The following HDAC9 variants were observed in gnomAD, a reference collection of about 807,000 sequenced individuals.
The protein encoded by HDAC9 is MEF-2 interacting transcription repressor (MITR) protein.
A neutral mutation model predicts 139.4 loss-of-function variants in HDAC9; 41 were observed. The observed-to-expected ratio is 0.29, with a 90% CI of 0.23 to 0.38. The LOEUF is 0.38. Among genes scored for constraint, HDAC9 ranks in the 10% least tolerant of loss-of-function variants. The probability of loss-of-function intolerance (pLI) is 1.00; values close to 1 mark genes in which losing one functional copy is unlikely to be tolerated. For missense variants in HDAC9, 1,147 were observed against 1,297.0 expected, an observed-to-expected ratio of 0.88 and a Z score of 1.78; for synonymous variants, 517 against 476.2, an observed-to-expected ratio of 1.09 and a Z score of -1.12.
At chr7:18,342,333 G>C (rs1389580171) in intron 1 of HDAC9, among the ~76,000 whole-genome samples, 1 of 151,700 alleles carries the variant, frequency 6.6e-6, no homozygotes, top group Non-Finnish European at 1.5e-5. Flanking sequence ...ATCTTTCAAG[G>C]CATTAAACTG....
At chr7:18,630,342 T>C (rs1033095129) in intron 7 of HDAC9, among the ~76,000 whole-genome samples, 20 of 152,140 alleles carry the variant, frequency 1.3e-4, no homozygotes, top group Non-Finnish European at 2.4e-4. Flanking sequence ...ATGTGGGCAG[T>C]TGGTATTAGT....
At chr7:18,818,818 A>G (rs1794757612) in intron 17 of HDAC9, among the ~76,000 whole-genome samples, 1 of 152,140 alleles carries the variant, frequency 6.6e-6, no homozygotes, top group Admixed American at 6.5e-5. Context: ...TACCATCCAA[A>G]TACTATTTGG....
intron 2 of HDAC9, among the ~76,000 whole-genome samples, chr7:18,496,928 T>C (rs753587548): frequency 4.2e-4 from 64 of 152,114 alleles, no homozygotes; most frequent in Non-Finnish European, 8.8e-5. Flanking sequence ...CAAAAACATG[T>C]GGGAAGTCTA....
intron 2 of HDAC9, among the ~76,000 whole-genome samples, chr7:18,536,820 A>G (rs1811067226): frequency 6.6e-6 from 1 of 152,214 alleles, no homozygotes; most frequent in Non-Finnish European, 1.5e-5. Flanking sequence ...AAGAGAATAT[A>G]CTAGGGAGGG....
intron 17 of HDAC9, among the ~76,000 whole-genome samples, chr7:18,817,490 C>CATTT (rs1162418385): frequency 6.6e-6 from 1 of 152,110 alleles, no homozygotes; most frequent in Non-Finnish European, 1.5e-5. Flanking sequence ...TGTAATAGAA[C>CATTT]ATTTGGATCT....
chr7:18,372,536 T>A (rs1477291074), intron 1 of HDAC9, among the ~76,000 whole-genome samples: 1 of 152,202 alleles, frequency 6.6e-6, no homozygotes, highest in African/African-American at 2.4e-5. Flanking sequence ...TTGCTTAGTA[T>A]AGACACTTCT....
At chr7:18,266,974 TACAAAAATC>T (rs1169885332) in intron 2 of HDAC9, among the ~76,000 whole-genome samples, 7 of 151,642 alleles carry the variant, frequency 4.6e-5, no homozygotes, top group African/African-American at 1.7e-4. Context: ...AAAAAAAAAT[TACAAAAATC>T]ACATATTTAG....
In HDAC9 at chr7:19,001,233, T is replaced by C. The variant is rs1786732944; in HGVS notation, c.*5171T>C. ...GAGTCAAACCCACAAGCATGAACTC[T>C]CACCTGAAAGAAAACTGGAAAAGGA... is the stretch of plus-strand genomic sequence containing the variant. On this transcript the variant is annotated 3_prime_UTR_variant, in exon 26 of 26. Transcript: ENST00000686413. The C allele has an allele frequency of 6.6e-6, 1 of 152,174 alleles. No homozygotes were observed. The highest frequency in any genetic ancestry group is 2.4e-5 in the African/African-American group (1 of 41,446). The allele number at this position is 152,174 out of a possible 1,614,324, so 9.4% of individuals were successfully genotyped here.
At chr7:18,352,394 G>C (rs1350566705) in intron 1 of HDAC9, among the ~76,000 whole-genome samples, 1 of 152,128 alleles carries the variant, frequency 6.6e-6, no homozygotes, top group African/African-American at 2.4e-5. Flanking sequence ...CCTGTGTTTT[G>C]AAAACTATTT....
intron 2 of HDAC9, among the ~76,000 whole-genome samples, chr7:18,532,029 A>G (rs1230620617): frequency 2.6e-5 from 4 of 152,184 alleles, no homozygotes; most frequent in African/African-American, 9.7e-5. Flanking sequence ...CAGGTGGATT[A>G]CCTGAGGTCA....
intron 2 of HDAC9, among the ~76,000 whole-genome samples, chr7:18,194,277 C>CGGGA (rs1790578499): frequency 6.6e-6 from 1 of 151,992 alleles, no homozygotes; most frequent in Non-Finnish European, 1.5e-5. Context: ...ATTTTCTTCC[C>CGGGA]ATGTTTGGAA....
At chr7:18,345,940 T>G (rs1262962947) in intron 1 of HDAC9, among the ~76,000 whole-genome samples, 1 of 152,118 alleles carries the variant, frequency 6.6e-6, no homozygotes. Context: ...TATAGTACAT[T>G]TATGTTCCAA....
At chr7:18,582,453 G>A (rs930184511) in intron 2 of HDAC9, among the ~76,000 whole-genome samples, 10 of 152,068 alleles carry the variant, frequency 6.6e-5, no homozygotes, top group African/African-American at 2.4e-4. Flanking sequence ...CCAACATCTA[G>A]AATGAAGCCT....
chr7:18,272,379 C>G (rs768742081), intron 2 of HDAC9, among the ~76,000 whole-genome samples: 6 of 152,062 alleles, frequency 3.9e-5, no homozygotes, highest in African/African-American at 9.7e-5. Flanking sequence ...GCAGCAAAAC[C>G]TTTCTAAGAA....
intron 13 of HDAC9, among the ~76,000 whole-genome samples, chr7:18,743,087 T>A (rs926051537): frequency 2.0e-5 from 3 of 152,230 alleles, no homozygotes; most frequent in Non-Finnish European, 4.4e-5. Context: ...TGTTTTTTTT[T>A]CTCACTCATT....
At chr7:18,278,104 C>A (rs2128218394) in intron 2 of HDAC9, among the ~76,000 whole-genome samples, 1 of 152,296 alleles carries the variant, frequency 6.6e-6, no homozygotes, top group African/African-American at 2.4e-5. Flanking sequence ...GTATTTTAAT[C>A]ATTACTTCAC....
intron 17 of HDAC9, among the ~76,000 whole-genome samples, chr7:18,825,633 C>G (rs1795364990): frequency 1.3e-5 from 2 of 150,790 alleles, no homozygotes; most frequent in African/African-American, 2.4e-5. Flanking sequence ...AGAATGTTGA[C>G]TATTAAAAGG....
chr7:18,816,181 ATG>A (rs371358268), intron 17 of HDAC9, among the ~76,000 whole-genome samples: 1 of 152,350 alleles, frequency 6.6e-6, no homozygotes, highest in East Asian at 1.9e-4. Flanking sequence ...ATAAAGATTT[ATG>A]TGTTAAGGCA....
chr7:18,220,256 G>A (rs748738240), intron 2 of HDAC9, among the ~76,000 whole-genome samples: 10 of 152,162 alleles, frequency 6.6e-5, no homozygotes, highest in Non-Finnish European at 1.3e-4. Context: ...TTTATTTTTT[G>A]CACCAGTGAA....
Sources: allele counts gnomAD v4.1 joint callset (sites outside exome capture counted in the v4.1 genomes callset), GRCh38; gene constraint gnomAD v4.1.1; transcripts MANE v1.5; gene names NCBI Gene and HGNC (gene_info 2026-07-23, HGNC 2026-07-21).